Variants in EHMT1 observed in about 807,000 individuals in gnomAD.
EHMT1 encodes histone-lysine N-methyltransferase EHMT1.
In EHMT1, 15 loss-of-function variants were observed where a neutral mutation model predicts 147.2. That is an observed-to-expected ratio of 0.10 (90% CI 0.07 to 0.16). The LOEUF is 0.16. Ranked by LOEUF, EHMT1 falls within the 10% of genes least tolerant of loss-of-function variation. The probability of loss-of-function intolerance (pLI) is 1.00; values close to 1 mark genes in which losing one functional copy is unlikely to be tolerated. For missense variants in EHMT1, 1,587 were observed against 1,772.4 expected (o/e 0.90, Z 1.88); for synonymous variants, 795 against 709.6 (o/e 1.12, Z -1.91).
At position 137,669,343 on chromosome 9, in the gene EHMT1, A is replaced by ACT. The variant is rs1564562448; in HGVS notation, c.22-41623_22-41622insTC. Among the ~76,000 whole-genome samples the ACT allele has an allele frequency of 2.0e-3, 15 of 7,438 alleles. 1 individual carries two copies. The highest frequency in any genetic ancestry group is 0.013 in the South Asian group (2 of 156). 4.9% of individuals were successfully genotyped at this position (7,438 alleles called of 152,430 possible). ...GACGCCCCCACAGCACGTGGACCCC[A>ACT]CACCACCCAAGACGCTCCCACAGCA... On this transcript the variant is annotated intron_variant, in intron 1 of 26. Coordinates refer to ENST00000460843, the MANE Select transcript of EHMT1 (RefSeq NM_024757.5).
intron 9 of EHMT1, among the ~76,000 whole-genome samples, chr9:137,758,534 C>T (rs1949557827): frequency 6.6e-6 from 1 of 152,238 alleles, no homozygotes. Flanking sequence ...CGTTCTCACA[C>T]TTTCTATCAG....
intron 9 of EHMT1, among the ~76,000 whole-genome samples, chr9:137,761,808 T>G (rs377120411): frequency 5.3e-5 from 8 of 152,214 alleles, no homozygotes; most frequent in African/African-American, 1.9e-4. Context: ...TTTGAGACAA[T>G]GATTCATCTT....
At chr9:137,832,883 G>A (rs544811363) in intron 25 of EHMT1, 9 of 152,400 alleles carry the variant, frequency 5.9e-5, no homozygotes, top group African/African-American at 2.2e-4. Context: ...TGCACGAGGA[G>A]GGGTCGCCTA....
Position 137,754,269 on chromosome 9 carries a change from AAAG to A in EHMT1, c.1351_1353del (p.Lys451del). 1 of 1,614,126 alleles carries A rather than the reference AAAG, an allele frequency of 6.2e-7. No homozygotes were observed. Among genetic ancestry groups the A allele is most frequent in the Non-Finnish European group, 8.5e-7 (1 of 1,180,002 alleles). On this transcript the variant is annotated inframe_deletion, in exon 8 of 27. Transcript: ENST00000460843. ...CCAGGAAAAGGAGGCGGAGAAGTAG[AAAG>A]AAGCCCAGCGGTGCCCTCGGTAAAT... is the stretch of plus-strand genomic sequence containing the variant.
At chr9:137,785,885 G>A (rs1009679463) in intron 15 of EHMT1, 2 of 152,222 alleles carry the variant, frequency 1.3e-5, no homozygotes, top group Admixed American at 6.5e-5. Context: ...CAAGTGCCTC[G>A]CATAGCAGGG....
At chr9:137,735,731 T>C (rs1177594559) in intron 4 of EHMT1, among the ~76,000 whole-genome samples, 1 of 152,218 alleles carries the variant, frequency 6.6e-6, no homozygotes, top group African/African-American at 2.4e-5. Context: ...TCCTCATGAA[T>C]AGATCAGTGC....
chr9:137,815,847 C>A, intron 22 of EHMT1, 100 bp from the exon 23 acceptor site: 2 of 1,016,334 alleles, frequency 2.0e-6, no homozygotes, highest in Admixed American at 2.0e-5. Flanking sequence ...TTTTTATGTC[C>A]GTTTAAGCCA....
At chr9:137,816,857 G>C (rs1170929671) in intron 23 of EHMT1, 1 of 182,856 alleles carries the variant, frequency 5.5e-6, no homozygotes, top group East Asian at 1.4e-4. Context: ...ACACATGCCA[G>C]ATGGGCAGAC....
chr9:137,788,694 T>TTC (rs1952219186), intron 15 of EHMT1: 1 of 152,166 alleles, frequency 6.6e-6, no homozygotes, highest in Non-Finnish European at 1.5e-5. Flanking sequence ...GCCCAATGCC[T>TTC]GGGAGGCGGA....
chr9:137,787,938 C>A lies in EHMT1; in HGVS notation c.2383-2910C>A, dbSNP rs571885387. 2.2e-4 allele frequency: 339 copies of A among 1,508,642 alleles called. 6 individuals carry two copies. In the East Asian group the frequency reaches 7.5e-3, roughly 33 times the overall value. The allele number at this position is 1,508,642 out of a possible 1,614,324, so 93.5% of individuals were successfully genotyped here. A position where few individuals can be genotyped will look rare whatever the true frequency, so the allele number is the denominator to read the frequency against. On this transcript the variant is annotated intron_variant, in intron 15 of 26. Transcript: ENST00000460843. The surrounding 1 kb of genome is among the most constrained non-coding windows in gnomAD (Gnocchi z 4.2). Reference sequence around the variant, plus strand: ...CAAGTAGGAGGTGGGCAGCTGCCCCCAGAGGGAGGCCCTGTGTCCCCCACT... The same window carrying A: ...CAAGTAGGAGGTGGGCAGCTGCCCCAAGAGGGAGGCCCTGTGTCCCCCACT...
intron 4 of EHMT1, chr9:137,738,791 A>G (rs1274518858): frequency 6.6e-6 from 1 of 152,242 alleles, no homozygotes; most frequent in African/African-American, 2.4e-5. Context: ...TAAGTCAGCC[A>G]CAAAAGAACA....
chr9:137,815,345 C>G (rs1043951984), intron 22 of EHMT1: 15 of 174,868 alleles, frequency 8.6e-5, no homozygotes, highest in African/African-American at 2.9e-4. Flanking sequence ...GCTGAGGGGG[C>G]GCAGGAAGGA....
In EHMT1 at chr9:137,813,619, T is replaced by A; in HGVS notation, c.3180+89T>A. The A allele has an allele frequency of 6.4e-7, 1 of 1,571,696 alleles. No homozygotes were observed. Among genetic ancestry groups the A allele is most frequent in the African/African-American group, 1.3e-5 (1 of 74,290 alleles). On this transcript the variant is annotated intron_variant, in intron 21 of 26. Coordinates refer to ENST00000460843, the MANE Select transcript of EHMT1 (RefSeq NM_024757.5). This position sits in a 1 kb window ranked among gnomAD's most constrained non-coding sequence, Gnocchi z 4.9. ...GCCTGGGGTCCTGGGTTCTCACCACTCAGAGCAGGAGGGCTTATGGGGGGC... is the reference window on the plus strand; with the variant it reads ...GCCTGGGGTCCTGGGTTCTCACCACACAGAGCAGGAGGGCTTATGGGGGGC...
chr9:137,675,630 A>ATTTTT (rs61666243), intron 1 of EHMT1, among the ~76,000 whole-genome samples: 8 of 105,760 alleles, frequency 7.6e-5, no homozygotes, highest in South Asian at 6.5e-4. Flanking sequence ...CGCCCGGCTA[A>ATTTTT]TTTTTTTTTT....
In EHMT1 at chr9:137,619,045, C is replaced by T. The variant is rs2133371747; in HGVS notation, c.17C>T (p.Ala6Val). The T allele has an allele frequency of 4.2e-6, 4 of 956,046 alleles. No individual in the cohort carries two copies. The highest frequency in any genetic ancestry group is 5.0e-6 in the Non-Finnish European group (4 of 805,370). The allele number at this position is 956,046 out of a possible 1,614,324, so 59.2% of individuals were successfully genotyped here. A position where few individuals can be genotyped will look rare whatever the true frequency, so the allele number is the denominator to read the frequency against. The stretch of plus-strand genomic sequence containing the variant: ...GCCCGGGCCATGGCCGCCGCCGATG[C>T]CGAGGTGAGCAGCGGGGCCGGCGGG... MAAAD[A>V]EAVPARGEPQ... Residue 6 changes from alanine to valine, a missense_variant, in exon 1 of 27, where the codon GCC becomes GTC. Ala to Val is a moderately conservative substitution (Grantham distance 64, BLOSUM62 0). Coordinates refer to ENST00000460843, the MANE Select transcript of EHMT1 (RefSeq NM_024757.5).
chr9:137,825,622 C>T (rs1209065503), intron 25 of EHMT1, among the ~76,000 whole-genome samples: 1 of 152,152 alleles, frequency 6.6e-6, no homozygotes, highest in Non-Finnish European at 1.5e-5. Flanking sequence ...CCCTGATGCT[C>T]TTGTATTTGA....
intron 1 of EHMT1, among the ~76,000 whole-genome samples, chr9:137,631,225 A>G (rs1843606426): frequency 6.6e-6 from 1 of 151,882 alleles, no homozygotes; most frequent in Non-Finnish European, 1.5e-5. Flanking sequence ...CCCTGTCTCT[A>G]ATAAAAATAT....
chr9:137,656,159 C>T (rs1194332611), intron 1 of EHMT1, among the ~76,000 whole-genome samples: 3 of 152,158 alleles, frequency 2.0e-5, no homozygotes, highest in Non-Finnish European at 2.9e-5. Context: ...GTGGGCGGAT[C>T]ACCTGAGGTC....
intron 1 of EHMT1, among the ~76,000 whole-genome samples, chr9:137,681,243 A>C (rs1941913893): frequency 6.6e-6 from 1 of 152,144 alleles, no homozygotes; most frequent in Non-Finnish European, 1.5e-5. Context: ...CAGGTGATGG[A>C]ATCTGCCACA....
Sources: gnomAD v4.1 joint callset for allele counts (sites outside exome capture counted in the v4.1 genomes callset) on GRCh38, gnomAD v4.1.1 for gene constraint, Gnocchi (gnomAD v3.1) non-coding constraint, MANE v1.5 for transcripts, NCBI Gene and HGNC (gene_info 2026-07-23, HGNC 2026-07-21) for gene names.